Variants in TAF1B observed in about 807,000 individuals in gnomAD.
TAF1B encodes TATA-box binding protein associated factor, RNA polymerase I subunit B.
Under a neutral mutation model 83.9 loss-of-function variants are expected in TAF1B, and 61 were observed. The observed-to-expected ratio is 0.73, with a 90% CI of 0.59 to 0.90. The LOEUF is 0.90. TAF1B is among the 40% of genes least tolerant of loss of function. TAF1B has a pLI of 0.00. For synonymous variants in TAF1B, 221 were observed against 224.6 expected, an observed-to-expected ratio of 0.98 and a Z score of 0.14; for missense variants, 625 against 677.0, an observed-to-expected ratio of 0.92 and a Z score of 0.85.
chr2:9,905,116 T>C (rs1665303197), intron 9 of TAF1B, 110 bp downstream of exon 9: 3 of 902,284 alleles, frequency 3.3e-6, no homozygotes, highest in Non-Finnish European at 4.9e-6. Context: ...AAAAGGTCCA[T>C]GGTTACATGA....
At chr2:9,933,179 A>G (rs1666269641) in intron 14 of TAF1B, among the ~76,000 whole-genome samples, 1 of 152,236 alleles carries the variant, frequency 6.6e-6, no homozygotes, top group Non-Finnish European at 1.5e-5. Flanking sequence ...CTGTGCAGCC[A>G]GTCCCAGTGA....
Position 9,847,006 on chromosome 2 carries a change from C to T in TAF1B, c.117+1688C>T, listed in dbSNP as rs558509241. 3.3e-5 allele frequency among the ~76,000 whole-genome samples: 5 copies of T among 152,274 alleles called. No individual in the cohort carries two copies. In the South Asian group the frequency reaches 1.0e-3, roughly 32 times the overall value. ...AGATTATGTCTAATGGAGTATTTGCCATTAGTAGATGAAGTCAGCATACTA... is the reference window on the plus strand; with the variant it reads ...AGATTATGTCTAATGGAGTATTTGCTATTAGTAGATGAAGTCAGCATACTA... On this transcript the variant is annotated intron_variant, in intron 2 of 14. Coordinates refer to ENST00000263663, the MANE Select transcript of TAF1B (RefSeq NM_005680.3).
At chr2:9,854,583 T>A (rs1407850075) in intron 5 of TAF1B, among the ~76,000 whole-genome samples, 162 bp downstream of exon 5, 1 of 152,210 alleles carries the variant, frequency 6.6e-6, no homozygotes, top group East Asian at 1.9e-4. Context: ...GGTCACTGAT[T>A]TAAACGTTGG....
chr2:9,878,861 A>G (rs74396140), intron 7 of TAF1B, among the ~76,000 whole-genome samples: 2,286 of 152,330 alleles, frequency 0.015, 58 homozygotes, highest in African/African-American at 0.051. Context: ...CACTAACCTG[A>G]TAAATAAGAA....
chr2:9,844,569 G>A (rs1357679805), intron 1 of TAF1B: 6 of 152,256 alleles, frequency 3.9e-5, no homozygotes, highest in African/African-American at 7.2e-5. Context: ...GTATATACAG[G>A]AGCAGTACGG....
At chr2:9,880,426 CTTTTTTTTTTTTTTT>C (rs6146620) in intron 7 of TAF1B, among the ~76,000 whole-genome samples, 1 of 75,006 alleles carries the variant, frequency 1.3e-5, no homozygotes. Flanking sequence ...GAGTAAGCAG[CTTTTTTTTTTTTTTT>C]TTTTTTTTTT....
At chr2:9,873,586 A>G (rs904217014) in intron 6 of TAF1B, among the ~76,000 whole-genome samples, 6 of 149,950 alleles carry the variant, frequency 4.0e-5, no homozygotes, top group African/African-American at 1.5e-4. Context: ...CTTAACACAC[A>G]TAATTCTAAC....
chr2:9,864,409 T>A (rs1663892948), intron 5 of TAF1B, among the ~76,000 whole-genome samples: 1 of 152,192 alleles, frequency 6.6e-6, no homozygotes, highest in Non-Finnish European at 1.5e-5. Context: ...AATCTCTGAA[T>A]AGACCAATAA....
intron 5 of TAF1B, among the ~76,000 whole-genome samples, chr2:9,860,005 A>G (rs1278028352): frequency 1.3e-5 from 2 of 152,258 alleles, no homozygotes; most frequent in East Asian, 3.8e-4. Flanking sequence ...TGGAAAGCAA[A>G]GGTGAAGCAA....
At chr2:9,852,935 C>G (rs1196412114) in intron 4 of TAF1B, among the ~76,000 whole-genome samples, 1 of 152,190 alleles carries the variant, frequency 6.6e-6, no homozygotes, top group Non-Finnish European at 1.5e-5. Context: ...GATTTCAGTG[C>G]ATGGCCTAAA....
At chr2:9,897,577 G>A (rs979297427) in intron 8 of TAF1B, among the ~76,000 whole-genome samples, 25 of 152,136 alleles carry the variant, frequency 1.6e-4, no homozygotes, top group African/African-American at 5.8e-4. Context: ...AACCCACTGC[G>A]TGGCACTTAG....
chr2:9,917,975 G>A (rs1220328314), intron 12 of TAF1B, among the ~76,000 whole-genome samples: 1 of 151,466 alleles, frequency 6.6e-6, no homozygotes, highest in Admixed American at 6.6e-5. Flanking sequence ...GGGAGGCTGA[G>A]GCAGGAGAAT....
chr2:9,855,275 G>T (rs1465911200), intron 5 of TAF1B, among the ~76,000 whole-genome samples: 1 of 152,226 alleles, frequency 6.6e-6, no homozygotes, highest in Non-Finnish European at 1.5e-5. Context: ...GATTACAGGC[G>T]TGAGCCACTG....
rs1335272120 is a variant in TAF1B at position 9,849,465 on chromosome 2, G to A, written c.205+5G>A. 6.5e-7 allele frequency: 1 copy of A among 1,534,960 alleles called. No homozygotes were observed. The highest frequency in any genetic ancestry group is 1.2e-5 in the South Asian group (1 of 81,396). On this transcript the variant is annotated splice_donor_5th_base_variant and intron_variant, in intron 3 of 14. Transcript: ENST00000263663. Reference sequence around the variant, plus strand: ...TTAAAAAAAAAAACAATACTGGTAAGTTCTTTCTTCATATGTACTTAACAT... The same window carrying A: ...TTAAAAAAAAAAACAATACTGGTAAATTCTTTCTTCATATGTACTTAACAT...
intron 14 of TAF1B, among the ~76,000 whole-genome samples, chr2:9,922,975 T>G (rs1646796697): frequency 1.3e-5 from 2 of 152,228 alleles, no homozygotes; most frequent in Admixed American, 1.3e-4. Flanking sequence ...CTGGGCTTGG[T>G]GGCTCCACCT....
intron 5 of TAF1B, among the ~76,000 whole-genome samples, chr2:9,858,511 A>G (rs894517673): frequency 6.6e-5 from 10 of 152,252 alleles, no homozygotes; most frequent in Non-Finnish European, 1.3e-4. Context: ...GCAGTGCTCC[A>G]GTGGGAATCT....
intron 5 of TAF1B, among the ~76,000 whole-genome samples, chr2:9,862,323 T>C (rs1435383747): frequency 2.0e-5 from 3 of 152,078 alleles, no homozygotes; most frequent in Non-Finnish European, 4.4e-5. Context: ...GCTGATGCAA[T>C]CAACTGGAAG....
intron 8 of TAF1B, among the ~76,000 whole-genome samples, chr2:9,883,362 G>A (rs543815874): frequency 5.3e-5 from 8 of 152,170 alleles, no homozygotes; most frequent in South Asian, 2.1e-4. Flanking sequence ...TTTTTTTGAT[G>A]TACTAAATGT....
chr2:9,858,880 AG>A (rs1381050508), intron 5 of TAF1B, among the ~76,000 whole-genome samples: 1 of 152,106 alleles, frequency 6.6e-6, no homozygotes, highest in Non-Finnish European at 1.5e-5. Context: ...TTTCCCTCCT[AG>A]GCATCTGGGC....
Sources: gnomAD v4.1 joint callset for allele counts (sites outside exome capture counted in the v4.1 genomes callset) on GRCh38, gnomAD v4.1.1 for gene constraint, MANE v1.5 for transcripts, NCBI Gene and HGNC (gene_info 2026-07-23, HGNC 2026-07-21) for gene names.